COL17A1: variants seen among roughly 807,000 people sequenced by gnomAD.
COL17A1 encodes the protein collagen alpha-1(XVII) chain.
In COL17A1, 181 loss-of-function variants were observed where a neutral mutation model predicts 218.4. The ratio of observed to expected loss-of-function variants is 0.83; its 90% CI spans 0.73 to 0.94. COL17A1 has a LOEUF of 0.94. Among genes scored for constraint, COL17A1 ranks in the 40% least tolerant of loss-of-function variants. COL17A1 has a pLI of 0.00. For missense variants in COL17A1, 1,924 were observed against 1,945.9 expected (o/e 0.99, Z 0.21); for synonymous variants, 721 against 731.0 (o/e 0.99, Z 0.22).
At chr10:104,066,775 G>A (rs805711) in intron 9 of COL17A1, among the ~76,000 whole-genome samples, 141,067 of 152,262 alleles carry the variant, frequency 0.93, 65,862 homozygotes, top group Non-Finnish European at 1. Context: ...AACTTGAGGA[G>A]AGAATTAGAA....
intron 5 of COL17A1, 46 bp downstream of exon 5, chr10:104,076,255 C>T: frequency 6.2e-7 from 1 of 1,612,370 alleles, no homozygotes; most frequent in South Asian, 1.1e-5. Flanking sequence ...AGTGAAGTTG[C>T]TTGGGGAAGA....
intron 32 of COL17A1, 54 bp downstream of exon 32, chr10:104,046,693 A>G: frequency 1.9e-6 from 3 of 1,583,314 alleles, no homozygotes; most frequent in Non-Finnish European, 2.6e-6. Flanking sequence ...TGGCCCAAGC[A>G]GTTACCCCAG....
intron 1 of COL17A1, among the ~76,000 whole-genome samples, chr10:104,084,011 A>C (rs1381591918): frequency 6.6e-6 from 1 of 152,236 alleles, no homozygotes; most frequent in Non-Finnish European, 1.5e-5. Flanking sequence ...CAGCAGTTTG[A>C]TGCCAGGAAA....
chr10:104,033,757 C>T (rs574603277), intron 52 of COL17A1, among the ~76,000 whole-genome samples, 188 bp downstream of exon 52: 88 of 152,292 alleles, frequency 5.8e-4, no homozygotes, highest in African/African-American at 9.4e-4. Context: ...CCCCACAGCT[C>T]GGGTCCCAGG....
In COL17A1 at chr10:104,074,199, G is replaced by A. The variant is rs762687138; in HGVS notation, c.364C>T (p.Pro122Ser). The change falls in exon 6 of 56, where the codon CCT (proline) becomes TCT (serine). Residue 122 changes from proline (P) to serine (S), a missense_variant. Physicochemically the swap from Pro to Ser is moderately conservative, Grantham distance 74. Transcript: ENST00000648076. ...SSSGNSSPEY[P>S]RKEFASSSTR... ...GAGGACATACCAAATTCCTTCCGAG[G>A]GTACTCCGGAGAAGAGTTGCCACTG... is the stretch of plus-strand genomic sequence containing the variant. 3.1e-6 allele frequency: 5 copies of A among 1,614,164 alleles called. No homozygotes were observed. The highest frequency in any genetic ancestry group is 4.2e-6 in the Non-Finnish European group (5 of 1,180,034).
chr10:104,049,656 T>C (rs868601274), intron 28 of COL17A1, among the ~76,000 whole-genome samples, 185 bp from the exon 29 acceptor site: 1 of 152,202 alleles, frequency 6.6e-6, no homozygotes, highest in South Asian at 2.1e-4. Flanking sequence ...ATCAGAATCA[T>C]GGGCATGTGC....
intron 11 of COL17A1, 42 bp from the exon 12 acceptor site, chr10:104,062,371 G>A: frequency 1.2e-6 from 2 of 1,613,792 alleles, no homozygotes; most frequent in Non-Finnish European, 1.7e-6. Flanking sequence ...GGGAGCACGG[G>A]GGATGCCCCC....
intron 55 of COL17A1, 34 bp from the exon 56 acceptor site, chr10:104,032,324 A>ATATCT (rs1491243528): frequency 6.3e-7 from 1 of 1,590,182 alleles, no homozygotes; most frequent in African/African-American, 1.3e-5. Context: ...AAGTTAAAAC[A>ATATCT]TATCTTGTGG....
chr10:104,035,368 C>G lies in COL17A1; in HGVS notation c.3514G>C (p.Glu1172Gln). The stretch of plus-strand genomic sequence containing the variant: ...GGGGGTCCAACGATGCCTCTGAATT[C>G]AGACCCTGAGACACCAAGGGAGGGC... ...EELLSLLRGS[E>Q]FRGIVGPPGP... Residue 1172 changes from glutamate to glutamine, a missense_variant, in exon 50 of 56, where the codon GAA (glutamate) becomes CAA (glutamine). Coordinates refer to ENST00000648076, the MANE Select transcript of COL17A1 (RefSeq NM_000494.4). 1.2e-6 allele frequency: 2 copies of G among 1,614,200 alleles called. No individual in the cohort carries two copies. The highest frequency in any genetic ancestry group is 1.7e-6 in the Non-Finnish European group (2 of 1,180,014).
At chr10:104,062,106 T>A in intron 12 of COL17A1, 152 bp downstream of exon 12, 1 of 1,204,052 alleles carries the variant, frequency 8.3e-7, no homozygotes, top group Admixed American at 2.0e-5. Flanking sequence ...TCTGAGCCAG[T>A]TAATGATCAA....
At chr10:104,071,069 A>G (rs572361193) in intron 8 of COL17A1, among the ~76,000 whole-genome samples, 26 of 152,322 alleles carry the variant, frequency 1.7e-4, no homozygotes, top group African/African-American at 6.3e-4. Flanking sequence ...TTTCAAGTCT[A>G]TCTGGCTGAT....
intron 35 of COL17A1, among the ~76,000 whole-genome samples, chr10:104,042,998 G>A (rs189451549): frequency 2.6e-5 from 4 of 152,242 alleles, no homozygotes; most frequent in East Asian, 1.9e-4. Context: ...TTCAATAAAC[G>A]TTTTATCTCC....
At chr10:104,071,110 A>T (rs1589575704) in intron 8 of COL17A1, among the ~76,000 whole-genome samples, 1 of 152,206 alleles carries the variant, frequency 6.6e-6, no homozygotes, top group Admixed American at 6.5e-5. Flanking sequence ...AAGTGGAGCA[A>T]GCTCCCTGTG....
In COL17A1 at chr10:104,070,377, G is replaced by T. The variant is rs775654035; in HGVS notation, c.607+49C>A. The T allele has an allele frequency of 6.8e-6, 11 of 1,611,176 alleles. No individual in the cohort carries two copies. The Admixed American group carries it at 1.8e-4, about 27-fold the overall frequency. The stretch of plus-strand genomic sequence containing the variant: ...TGAGTCCACTCTTTGGGTTTGGATG[G>T]GTAAGTTTGTTTCTCACACTCCTCG... On this transcript the variant is annotated intron_variant, in intron 9 of 55. Transcript: ENST00000648076.
chr10:104,074,409 C>T (rs1320890107), intron 5 of COL17A1, among the ~76,000 whole-genome samples, 178 bp from the exon 6 acceptor site: 4 of 152,212 alleles, frequency 2.6e-5, no homozygotes, highest in Admixed American at 2.0e-4. Flanking sequence ...ATGTAAAACA[C>T]GACCCATCAT....
chr10:104,056,600 A>AAAG (rs2086530527), intron 17 of COL17A1, among the ~76,000 whole-genome samples: 1 of 152,142 alleles, frequency 6.6e-6, no homozygotes, highest in Admixed American at 6.5e-5. Flanking sequence ...AAAAGAAAGA[A>AAAG]AAAGAAAAGA....
rs79079933 is a variant in COL17A1 at position 104,057,848 on chromosome 10, T to G, written c.1267+298A>C. Among the ~76,000 whole-genome samples the G allele has an allele frequency of 1.8e-3, 280 of 152,158 alleles. 5 individuals are homozygous for G. The East Asian group carries it at 0.041, about 22-fold the overall frequency. On this transcript the variant is annotated intron_variant, in intron 16 of 55. Transcript: ENST00000648076. ...CTTGAGCTGCTGTGTAAAGACACAG[T>G]CACCCTGTTGTGTTAGGAGACAACC...
At chr10:104,037,837 G>A in intron 45 of COL17A1, 64 bp from the exon 46 acceptor site, 2 of 1,580,986 alleles carry the variant, frequency 1.3e-6, no homozygotes, top group Non-Finnish European at 1.7e-6. Context: ...CCCCACGGAG[G>A]TGACCTGAAG....
chr10:104,062,758 G>A (rs561447131), intron 11 of COL17A1, among the ~76,000 whole-genome samples: 1 of 152,298 alleles, frequency 6.6e-6, no homozygotes, highest in East Asian at 1.9e-4. Flanking sequence ...CAGACTCCTA[G>A]TATTCCCGTT....
Sources: gnomAD v4.1 joint callset for allele counts (sites outside exome capture counted in the v4.1 genomes callset) on GRCh38, gnomAD v4.1.1 for gene constraint, MANE v1.5 for transcripts, NCBI Gene and HGNC (gene_info 2026-07-23, HGNC 2026-07-21) for gene names.